PTPRD: variants seen among roughly 807,000 people sequenced by gnomAD.
PTPRD encodes protein tyrosine phosphatase receptor type D.
In PTPRD, 34 loss-of-function variants were observed where a neutral mutation model predicts 214.5. That is an observed-to-expected ratio of 0.16 (90% CI 0.12 to 0.21). PTPRD has a LOEUF of 0.21. Among genes scored for constraint, PTPRD ranks in the 10% least tolerant of loss-of-function variants. The pLI is 1.00. For missense variants in PTPRD, 2,545 were observed against 2,398.7 expected (o/e 1.06, Z -1.27); for synonymous variants, 1,128 against 845.7 (o/e 1.33, Z -5.79).
intron 32 of PTPRD, among the ~76,000 whole-genome samples, chr9:8,461,973 A>G (rs908269736): frequency 2.6e-5 from 4 of 151,806 alleles, no homozygotes; most frequent in African/African-American, 9.7e-5. Context: ...CTTAAGTTCT[A>G]TTCTCTACTA....
intron 8 of PTPRD, among the ~76,000 whole-genome samples, chr9:9,479,783 T>G (rs1158326609): frequency 6.6e-6 from 1 of 152,050 alleles, no homozygotes; most frequent in Non-Finnish European, 1.5e-5. Flanking sequence ...CCCCTATTTG[T>G]CCTCTCAGGA....
intron 8 of PTPRD, among the ~76,000 whole-genome samples, chr9:9,420,188 A>C (rs984534752): frequency 5.9e-5 from 9 of 151,850 alleles, no homozygotes; most frequent in Non-Finnish European, 1.0e-4. Context: ...TTAATATTTT[A>C]GAAAATAACT....
intron 3 of PTPRD, among the ~76,000 whole-genome samples, chr9:10,065,932 T>C (rs1333987293): frequency 6.6e-6 from 1 of 151,932 alleles, no homozygotes; most frequent in Non-Finnish European, 1.5e-5. Context: ...ACAAAGCAAA[T>C]TAAGCAACTG....
intron 11 of PTPRD, among the ~76,000 whole-genome samples, chr9:8,823,339 C>A (rs2097109635): frequency 6.6e-6 from 1 of 152,128 alleles, no homozygotes; most frequent in South Asian, 2.1e-4. Flanking sequence ...ACTTTTAACT[C>A]AACAGCAATT....
chr9:9,610,907 G>C (rs927613154), intron 7 of PTPRD, among the ~76,000 whole-genome samples: 2 of 151,982 alleles, frequency 1.3e-5, no homozygotes, highest in African/African-American at 4.8e-5. Context: ...TGAAGACCAG[G>C]GGCTACCATT....
chr9:10,549,734 T>C (rs563643992), intron 2 of PTPRD, among the ~76,000 whole-genome samples: 17 of 152,278 alleles, frequency 1.1e-4, no homozygotes, highest in African/African-American at 2.6e-4. Context: ...TTCTATGTTG[T>C]TTGTCTTCTT....
At chr9:8,553,569 C>T (rs7864527) in intron 14 of PTPRD, among the ~76,000 whole-genome samples, 5 of 151,912 alleles carry the variant, frequency 3.3e-5, no homozygotes, top group Admixed American at 6.6e-5. Context: ...ATAATAAATA[C>T]GAAAGCTATA....
At chr9:9,954,312 A>AACAAAC (rs1566686022) in intron 4 of PTPRD, among the ~76,000 whole-genome samples, 22 of 148,538 alleles carry the variant, frequency 1.5e-4, no homozygotes, top group South Asian at 4.2e-4. Flanking sequence ...AAAAAAAAAA[A>AACAAAC]AAAAAAAAAA....
chr9:10,223,670 A>AAATAAT (rs67338126), intron 3 of PTPRD, among the ~76,000 whole-genome samples: 17,618 of 134,082 alleles, frequency 0.13, 1,228 homozygotes, highest in East Asian at 0.3. Context: ...ATTCTGTCTC[A>AAATAAT]AATAATAATA....
At chr9:10,410,283 A>C (rs1459774020) in intron 2 of PTPRD, among the ~76,000 whole-genome samples, 2 of 142,912 alleles carry the variant, frequency 1.4e-5, no homozygotes, top group Non-Finnish European at 3.0e-5. Flanking sequence ...ACACACACAC[A>C]CAATATATAA....
At chr9:9,272,554 G>A (rs1201458526) in intron 9 of PTPRD, among the ~76,000 whole-genome samples, 6 of 151,212 alleles carry the variant, frequency 4.0e-5, no homozygotes, top group East Asian at 3.9e-4. Flanking sequence ...AAATGGGGGC[G>A]AAGGGCGGTC....
In PTPRD at chr9:9,614,920, C is replaced by A. The variant is rs141974451; in HGVS notation, c.-286-40139G>T. On this transcript the variant is annotated intron_variant, in intron 7 of 45. Coordinates refer to ENST00000381196, the MANE Select transcript of PTPRD (RefSeq NM_002839.4). ...CCAATGCACCCTTCAATATAATAAT[C>A]AACAGAATTTGTTTAAGCATTTCTC... 1.2e-4 allele frequency among the ~76,000 whole-genome samples: 19 copies of A among 152,196 alleles called. No individual in the cohort carries two copies. In the East Asian group the frequency reaches 3.7e-3, roughly 29 times the overall value.
At chr9:8,318,041 T>C in intron 45 of PTPRD, 99 bp from the exon 46 acceptor site, 3 of 1,156,996 alleles carry the variant, frequency 2.6e-6, no homozygotes, top group Non-Finnish European at 3.8e-6. Flanking sequence ...ATAACATCTA[T>C]ATAGGGGCAA....
At chr9:10,356,035 C>T (rs1466035784) in intron 2 of PTPRD, among the ~76,000 whole-genome samples, 1 of 151,700 alleles carries the variant, frequency 6.6e-6, no homozygotes, top group Non-Finnish European at 1.5e-5. Context: ...ACATAACATT[C>T]CAAATTTTTA....
At chr9:10,555,073 G>C (rs566150083) in intron 2 of PTPRD, among the ~76,000 whole-genome samples, 47 of 152,288 alleles carry the variant, frequency 3.1e-4, no homozygotes, top group African/African-American at 1.1e-3. Context: ...TAATTTATTT[G>C]ACTGGTCCAG....
chr9:9,187,443 T>C (rs986582960), intron 9 of PTPRD, among the ~76,000 whole-genome samples: 2 of 152,082 alleles, frequency 1.3e-5, no homozygotes, highest in African/African-American at 2.4e-5. Context: ...ACCTGTCTTA[T>C]GAAATTGTCA....
chr9:8,482,454 T>C (rs1159300707), intron 30 of PTPRD, among the ~76,000 whole-genome samples: 1 of 151,844 alleles, frequency 6.6e-6, no homozygotes, highest in Non-Finnish European at 1.5e-5. Flanking sequence ...CTATCCAAAT[T>C]CCAACAATGC....
chr9:10,184,937 G>A (rs2099322215), intron 3 of PTPRD, among the ~76,000 whole-genome samples: 1 of 152,076 alleles, frequency 6.6e-6, no homozygotes, highest in African/African-American at 2.4e-5. Flanking sequence ...TGTAATAAAG[G>A]TCTATAACCA....
intron 5 of PTPRD, among the ~76,000 whole-genome samples, chr9:9,893,571 G>A (rs1410396344): frequency 1.3e-5 from 2 of 152,128 alleles, no homozygotes; most frequent in East Asian, 3.9e-4. Context: ...ATGGTTAATA[G>A]TAACTGAATA....
Sources: gnomAD v4.1 joint callset for allele counts (sites outside exome capture counted in the v4.1 genomes callset) on GRCh38, gnomAD v4.1.1 for gene constraint, MANE v1.5 for transcripts, NCBI Gene and HGNC (gene_info 2026-07-23, HGNC 2026-07-21) for gene names.